Variants in CACNA1D observed in about 807,000 individuals in gnomAD.
CACNA1D encodes the protein calcium voltage-gated channel subunit alpha1 D, also known as voltage-dependent L-type calcium channel subunit alpha-1D.
CACNA1D carries 55 observed loss-of-function variants against 257.1 expected under a neutral mutation model. That is an observed-to-expected ratio of 0.21 (90% confidence interval 0.17 to 0.27). The LOEUF (loss-of-function observed/expected upper bound fraction) is 0.27, where lower values mean the gene tolerates loss of function less well. CACNA1D is among the 10% of genes least tolerant of loss of function. The probability of loss-of-function intolerance (pLI) is 1.00; values close to 1 mark genes in which losing one functional copy is unlikely to be tolerated. For missense variants in CACNA1D, 1,876 were observed against 2,784.0 expected (o/e 0.67, Z 7.34); for synonymous variants, 980 against 1,014.9 (o/e 0.97, Z 0.65).
intron 29 of CACNA1D, among the ~76,000 whole-genome samples, chr3:53,757,131 C>T (rs761041638): frequency 2.0e-5 from 3 of 152,208 alleles, no homozygotes; most frequent in Non-Finnish European, 1.5e-5. Context: ...GCTCTGTTCG[C>T]TGCTCCAGGG....
chr3:53,511,470 C>A (rs553363257), intron 3 of CACNA1D, among the ~76,000 whole-genome samples: 1 of 152,138 alleles, frequency 6.6e-6, no homozygotes, highest in Non-Finnish European at 1.5e-5. Flanking sequence ...GAATCTCCAG[C>A]GCAGGTCCTT....
At position 53,812,319 on chromosome 3, in the gene CACNA1D, C is replaced by A. The variant is rs962847277; in HGVS notation, c.*913C>A. Reference sequence around the variant, plus strand: ...TTATTAGTATTTTTACTCGGGCTATCCAGAAGTAGAAGAAATAGAGCCAAT... The same window carrying A: ...TTATTAGTATTTTTACTCGGGCTATACAGAAGTAGAAGAAATAGAGCCAAT... On this transcript the variant is annotated 3_prime_UTR_variant, in exon 48 of 48. Coordinates refer to ENST00000350061, the MANE Select transcript of CACNA1D (RefSeq NM_001128840.3). 1 of 152,060 alleles carries A rather than the reference C, an allele frequency of 6.6e-6. No homozygotes were observed. Among genetic ancestry groups the A allele is most frequent in the African/African-American group, 2.4e-5 (1 of 41,376 alleles). 9.4% of individuals were successfully genotyped at this position (152,060 alleles called of 1,614,324 possible). A position where few individuals can be genotyped will look rare whatever the true frequency, so the allele number is the denominator to read the frequency against.
chr3:53,610,021 AT>A (rs2093563446), intron 3 of CACNA1D, among the ~76,000 whole-genome samples: 1 of 152,130 alleles, frequency 6.6e-6, no homozygotes, highest in African/African-American at 2.4e-5. Context: ...GTGTTTGTAA[AT>A]TTCTACATAT....
intron 3 of CACNA1D, among the ~76,000 whole-genome samples, chr3:53,637,750 G>A (rs1253829012): frequency 2.0e-5 from 3 of 152,208 alleles, no homozygotes; most frequent in African/African-American, 7.2e-5. Flanking sequence ...CCTCAGCTCA[G>A]TGTGGGTCTC....
intron 39 of CACNA1D, among the ~76,000 whole-genome samples, chr3:53,784,342 G>GC (rs2109091906): frequency 6.6e-6 from 1 of 152,282 alleles, no homozygotes; most frequent in South Asian, 2.1e-4. Flanking sequence ...ACACTGAGCT[G>GC]CCTCCATTGC....
chr3:53,782,258 G>GTATATA (rs1475863956), intron 39 of CACNA1D: 52 of 52,108 alleles, frequency 1.0e-3, no homozygotes, highest in African/African-American at 2.5e-3. Context: ...GTGTGTGTGT[G>GTATATA]TGTGTGTATA....
intron 7 of CACNA1D, among the ~76,000 whole-genome samples, chr3:53,670,639 C>T (rs918553506): frequency 6.6e-6 from 1 of 152,174 alleles, no homozygotes; most frequent in Non-Finnish European, 1.5e-5. Flanking sequence ...GCTGCTGCAC[C>T]CGGCCCATTT....
intron 3 of CACNA1D, among the ~76,000 whole-genome samples, chr3:53,618,539 G>A (rs2093661349): frequency 6.6e-6 from 1 of 152,168 alleles, no homozygotes; most frequent in East Asian, 1.9e-4. Context: ...TAGATCCTGA[G>A]AGCCCCACAC....
chr3:53,719,041 G>C (rs1285137445), intron 10 of CACNA1D, among the ~76,000 whole-genome samples: 2 of 149,236 alleles, frequency 1.3e-5, no homozygotes, highest in African/African-American at 2.5e-5. Flanking sequence ...GGCTGGGGGG[G>C]ACCAGCAGTG....
At chr3:53,497,634 G>A (rs1238921674) in intron 2 of CACNA1D, among the ~76,000 whole-genome samples, 173 bp downstream of exon 2, 1 of 152,118 alleles carries the variant, frequency 6.6e-6, no homozygotes, top group Non-Finnish European at 1.5e-5. Flanking sequence ...GTTGCAGAGG[G>A]GTGGCTGTAC....
intron 9 of CACNA1D, among the ~76,000 whole-genome samples, chr3:53,711,414 C>T (rs1031083997): frequency 1.2e-4 from 19 of 152,206 alleles, no homozygotes; most frequent in African/African-American, 4.3e-4. Flanking sequence ...CTGTCAGGCC[C>T]ATCCCCAGGC....
At chr3:53,650,743 T>G in intron 3 of CACNA1D, 36 bp from the exon 4 acceptor site, 1 of 1,611,800 alleles carries the variant, frequency 6.2e-7, no homozygotes. Flanking sequence ...CCCCTGCCCC[T>G]GCTTTTTTGG....
intron 8 of CACNA1D, among the ~76,000 whole-genome samples, chr3:53,680,697 C>G (rs1421681897): frequency 6.6e-6 from 1 of 152,144 alleles, no homozygotes; most frequent in Non-Finnish European, 1.5e-5. Flanking sequence ...GGTCCCTATT[C>G]AATTGGAGGC....
intron 3 of CACNA1D, among the ~76,000 whole-genome samples, chr3:53,555,622 A>G (rs1356562231): frequency 2.0e-5 from 3 of 151,468 alleles, no homozygotes; most frequent in Non-Finnish European, 2.9e-5. Flanking sequence ...TCTTCAAATC[A>G]TTCTCAATCA....
chr3:53,760,984 G>A (rs183053494), intron 29 of CACNA1D, among the ~76,000 whole-genome samples: 151 of 152,344 alleles, frequency 9.9e-4, no homozygotes, highest in African/African-American at 3.5e-3. Context: ...CCATCAGTAC[G>A]TAAGAGATTC....
At chr3:53,672,988 A>G in intron 7 of CACNA1D, 35 bp from the exon 8 acceptor site, 2 of 1,366,994 alleles carry the variant, frequency 1.5e-6, no homozygotes, top group Non-Finnish European at 2.0e-6. Context: ...TCCTCTTATT[A>G]ACCCACTCCT....
intron 27 of CACNA1D, among the ~76,000 whole-genome samples, chr3:53,750,105 T>C (rs1246386559): frequency 2.6e-5 from 4 of 152,208 alleles, no homozygotes; most frequent in Non-Finnish European, 5.9e-5. Context: ...ACTTTGAATT[T>C]GGGACTAAGA....
chr3:53,566,413 G>A (rs2092837418), intron 3 of CACNA1D, among the ~76,000 whole-genome samples: 1 of 152,066 alleles, frequency 6.6e-6, no homozygotes, highest in Non-Finnish European at 1.5e-5. Flanking sequence ...CTGGGTCTCT[G>A]CTCGAATGTC....
rs578240424 is a variant in CACNA1D at position 53,749,159 on chromosome 3, C to T, written c.3315-109C>T. On this transcript the variant is annotated intron_variant, in intron 26 of 47. Coordinates refer to ENST00000350061, the MANE Select transcript of CACNA1D (RefSeq NM_001128840.3). ...CAGCAGCCTTGGGGTGGGTTCCCAG[C>T]GAGTGCTCATGAGAGGAGTTCTGGA... The T allele has an allele frequency of 2.2e-4, 173 of 780,604 alleles. 1 individual carries two copies. The highest frequency in any genetic ancestry group is 1.8e-3 in the African/African-American group (107 of 58,520). The allele number at this position is 780,604 out of a possible 1,614,324, so 48.4% of individuals were successfully genotyped here.
Sources: allele counts gnomAD v4.1 joint callset (sites outside exome capture counted in the v4.1 genomes callset), GRCh38; gene constraint gnomAD v4.1.1; transcripts MANE v1.5; gene names NCBI Gene and HGNC (gene_info 2026-07-23, HGNC 2026-07-21).